Variants in ARHGAP10 observed in about 807,000 individuals in gnomAD.
ARHGAP10 encodes the protein Rho GTPase activating protein 10.
In ARHGAP10, 87 loss-of-function variants were observed where a neutral mutation model predicts 108.6. The ratio of observed to expected loss-of-function variants is 0.80; its 90% CI spans 0.67 to 0.96. The LOEUF (loss-of-function observed/expected upper bound fraction) is 0.96, where lower values mean the gene tolerates loss of function less well. Ranked by LOEUF, ARHGAP10 falls within the 40% of genes least tolerant of loss-of-function variation. The probability of loss-of-function intolerance (pLI) is 0.00; values close to 1 mark genes in which losing one functional copy is unlikely to be tolerated. For synonymous variants in ARHGAP10, 347 were observed against 341.1 expected (o/e 1.02, Z -0.19); for missense variants, 939 against 954.5 (o/e 0.98, Z 0.21).
chr4:147,977,873 C>T (rs1440726415), intron 18 of ARHGAP10, among the ~76,000 whole-genome samples: 1 of 152,008 alleles, frequency 6.6e-6, no homozygotes, highest in Non-Finnish European at 1.5e-5. Context: ...TGTGTAAACC[C>T]AAGATTTAGC....
intron 1 of ARHGAP10, among the ~76,000 whole-genome samples, chr4:147,754,205 C>G (rs1221019545): frequency 6.6e-6 from 1 of 152,178 alleles, no homozygotes; most frequent in Non-Finnish European, 1.5e-5. Context: ...AGCTAAGAAG[C>G]AGATGCAAGT....
rs1275835958 is a variant in ARHGAP10, at chr4:147,996,793, T to A, written c.1717-26470T>A. 2.6e-5 allele frequency among the ~76,000 whole-genome samples: 4 copies of A among 152,148 alleles called. No homozygotes were observed. The East Asian group carries it at 5.8e-4, about 22-fold the overall frequency. ...ATCAGGTGAAATGAGGTCATGAAGG[T>A]GGGGTCCTAACCCTATAGGCCTGGT... On this transcript the variant is annotated intron_variant, in intron 18 of 22. Transcript: ENST00000336498.
At chr4:147,999,602 G>C (rs965807370) in intron 18 of ARHGAP10, among the ~76,000 whole-genome samples, 1 of 152,220 alleles carries the variant, frequency 6.6e-6, no homozygotes, top group Non-Finnish European at 1.5e-5. Flanking sequence ...CATGTTCGTC[G>C]TAATGGAGCT....
chr4:147,932,345 G>A (rs974269496), intron 13 of ARHGAP10, among the ~76,000 whole-genome samples: 7 of 151,998 alleles, frequency 4.6e-5, no homozygotes, highest in East Asian at 3.9e-4. Context: ...TTATAAAGAC[G>A]CATGCATATG....
intron 19 of ARHGAP10, among the ~76,000 whole-genome samples, chr4:148,029,517 GCATGGA>G (rs1728038334): frequency 6.6e-6 from 1 of 152,216 alleles, no homozygotes; most frequent in Non-Finnish European, 1.5e-5. Flanking sequence ...ACCATTGTTG[GCATGGA>G]TTTTCGTTGA....
chr4:147,780,183 C>A (rs923731214), intron 1 of ARHGAP10, among the ~76,000 whole-genome samples: 1 of 152,090 alleles, frequency 6.6e-6, no homozygotes, highest in Non-Finnish European at 1.5e-5. Context: ...TAAATTACTC[C>A]TTTGATGGCT....
intron 19 of ARHGAP10, 95 bp from the exon 20 acceptor site, chr4:148,046,797 T>C (rs1728905999): frequency 8.1e-7 from 1 of 1,241,954 alleles, no homozygotes; most frequent in African/African-American, 1.5e-5. Context: ...AATTTTATCA[T>C]TTGATTGACT....
intron 19 of ARHGAP10, among the ~76,000 whole-genome samples, chr4:148,026,185 T>C (rs1236075397): frequency 6.6e-6 from 1 of 152,204 alleles, no homozygotes; most frequent in Non-Finnish European, 1.5e-5. Context: ...TCTTCTGCAC[T>C]GAGTAGAGTA....
intron 1 of ARHGAP10, among the ~76,000 whole-genome samples, chr4:147,798,108 G>T (rs2126755790): frequency 6.6e-6 from 1 of 151,508 alleles, no homozygotes; most frequent in Admixed American, 6.6e-5. Flanking sequence ...CATACTTTTT[G>T]CTTTTACATC....
At chr4:147,772,143 C>T (rs992512009) in intron 1 of ARHGAP10, among the ~76,000 whole-genome samples, 2 of 152,200 alleles carry the variant, frequency 1.3e-5, no homozygotes. Flanking sequence ...GAAGTTCTCT[C>T]TACTTCTGCT....
At chr4:147,980,120 G>A (rs1216936376) in intron 18 of ARHGAP10, among the ~76,000 whole-genome samples, 1 of 152,100 alleles carries the variant, frequency 6.6e-6, no homozygotes, top group Non-Finnish European at 1.5e-5. Context: ...CGGTTCTTAA[G>A]GAAAATGCTT....
rs374793436 is a variant in ARHGAP10 at position 147,911,657 on chromosome 4, T to C, written c.1163-1417T>C. 9.1e-4 allele frequency among the ~76,000 whole-genome samples: 139 copies of C among 152,214 alleles called. 1 individual carries two copies. Among genetic ancestry groups the C allele is most frequent in the African/African-American group, 2.2e-3 (92 of 41,516 alleles). On this transcript the variant is annotated intron_variant, in intron 12 of 22. Transcript: ENST00000336498. ...GATTACAGGCGTGAGCCACCGCGCC[T>C]GGCCTCTTAACTTAATTTTTGAAAC... is the stretch of plus-strand genomic sequence containing the variant.
intron 1 of ARHGAP10, among the ~76,000 whole-genome samples, chr4:147,748,365 C>CAA (rs1384330226): frequency 4.6e-5 from 7 of 150,602 alleles, no homozygotes; most frequent in Non-Finnish European, 8.8e-5. Flanking sequence ...CAGCTCACAA[C>CAA]AAAGGGTATA....
At chr4:148,059,378 G>T (rs1341947339) in intron 20 of ARHGAP10, among the ~76,000 whole-genome samples, 3 of 152,048 alleles carry the variant, frequency 2.0e-5, no homozygotes, top group African/African-American at 7.3e-5. Context: ...TCAGTAGCTT[G>T]GCATTAAACA....
At chr4:147,797,754 C>T (rs1290896827) in intron 1 of ARHGAP10, among the ~76,000 whole-genome samples, 1 of 152,234 alleles carries the variant, frequency 6.6e-6, no homozygotes, top group South Asian at 2.1e-4. Context: ...TTTGTCACTT[C>T]GGTCTGATGT....
At chr4:147,904,230 CTTTAT>C (rs1560818916) in intron 10 of ARHGAP10, among the ~76,000 whole-genome samples, 1 of 151,724 alleles carries the variant, frequency 6.6e-6, no homozygotes, top group African/African-American at 2.4e-5. Flanking sequence ...TTCTTTCTTT[CTTTAT>C]TTTATTATTA....
At position 148,032,096 on chromosome 4, in the gene ARHGAP10, C is replaced by T. The variant is rs115294075; in HGVS notation, c.1867+8683C>T. On this transcript the variant is annotated intron_variant, in intron 19 of 22. Coordinates refer to ENST00000336498, the MANE Select transcript of ARHGAP10 (RefSeq NM_024605.4). ...TGCTTTTCTGTTTTCTCCTCCCACT[C>T]CTCTCCCCTTCTTTCTTTATTAAAA... 9.0e-3 allele frequency among the ~76,000 whole-genome samples: 1,366 copies of T among 152,088 alleles called. 16 individuals are homozygous for T. The highest frequency in any genetic ancestry group is 0.022 in the Admixed American group (330 of 15,266).
At chr4:147,746,403 G>T (rs1578994194) in intron 1 of ARHGAP10, among the ~76,000 whole-genome samples, 1 of 144,636 alleles carries the variant, frequency 6.9e-6, no homozygotes, top group African/African-American at 2.6e-5. Context: ...CGCCAGGCCT[G>T]CTTTTTTTTT....
chr4:148,021,926 G>A (rs1167509986), intron 18 of ARHGAP10, among the ~76,000 whole-genome samples: 1 of 152,210 alleles, frequency 6.6e-6, no homozygotes, highest in Non-Finnish European at 1.5e-5. Context: ...TGAGGGGGCA[G>A]TATGGGACTA....
Sources: gnomAD v4.1 joint callset for allele counts (sites outside exome capture counted in the v4.1 genomes callset) on GRCh38, gnomAD v4.1.1 for gene constraint, MANE v1.5 for transcripts, NCBI Gene and HGNC (gene_info 2026-07-23, HGNC 2026-07-21) for gene names.